TAFA1: variants seen among roughly 807,000 people sequenced by gnomAD.
TAFA1 encodes the protein chemokine-like protein TAFA-1.
In TAFA1, 4 loss-of-function variants were observed where a neutral mutation model predicts 18.5. The observed-to-expected ratio is 0.22, with a 90% confidence interval of 0.11 to 0.49. The LOEUF (loss-of-function observed/expected upper bound fraction) is 0.49. Ranked by LOEUF, TAFA1 falls within the 20% of genes least tolerant of loss-of-function variation. The probability of loss-of-function intolerance (pLI) is 0.98; values close to 1 mark genes in which losing one functional copy is unlikely to be tolerated. For synonymous variants in TAFA1, 56 were observed against 55.2 expected (o/e 1.01, Z -0.06); for missense variants, 147 against 169.0 (o/e 0.87, Z 0.72).
At chr3:68,318,109 C>T (rs1246998352) in intron 2 of TAFA1, among the ~76,000 whole-genome samples, 2 of 152,138 alleles carry the variant, frequency 1.3e-5, no homozygotes, top group Non-Finnish European at 2.9e-5. Context: ...TTTTATAGTA[C>T]ATGTGTTGCC....
chr3:68,272,379 C>A (rs1424964970), intron 2 of TAFA1, among the ~76,000 whole-genome samples: 1 of 152,036 alleles, frequency 6.6e-6, no homozygotes, highest in Non-Finnish European at 1.5e-5. Context: ...AAAGATTTGA[C>A]AAATTTACCT....
At chr3:68,330,038 T>C (rs769679869) in intron 2 of TAFA1, among the ~76,000 whole-genome samples, 2 of 152,178 alleles carry the variant, frequency 1.3e-5, no homozygotes, top group Non-Finnish European at 2.9e-5. Context: ...CAGGGATAGC[T>C]GGGTCCAGGG....
chr3:68,470,900 G>C (rs1025145808), intron 3 of TAFA1, among the ~76,000 whole-genome samples: 1 of 152,180 alleles, frequency 6.6e-6, no homozygotes, highest in Non-Finnish European at 1.5e-5. Context: ...ATGTCTCCAG[G>C]TCATGTCTGA....
intron 3 of TAFA1, among the ~76,000 whole-genome samples, chr3:68,453,334 A>G (rs1438957479): frequency 6.6e-6 from 1 of 152,166 alleles, no homozygotes; most frequent in Non-Finnish European, 1.5e-5. Context: ...TGTTTCCAAA[A>G]TGACAAAAAT....
chr3:68,370,022 C>T (rs2069648222), intron 2 of TAFA1, among the ~76,000 whole-genome samples: 1 of 151,452 alleles, frequency 6.6e-6, no homozygotes, highest in South Asian at 2.1e-4. Flanking sequence ...GGTGTGGTGG[C>T]TCACTCCTGT....
intron 3 of TAFA1, among the ~76,000 whole-genome samples, chr3:68,474,352 A>C (rs1471711527): frequency 6.6e-6 from 1 of 152,338 alleles, no homozygotes; most frequent in Non-Finnish European, 1.5e-5. Context: ...TTGTCCATTC[A>C]TCCATTCGAG....
rs113697354 is a variant in TAFA1 at position 68,313,760 on chromosome 3, T to C, written c.119-103520T>C. 1.4e-4 allele frequency among the ~76,000 whole-genome samples: 22 copies of C among 152,310 alleles called. 1 individual carries two copies. The highest frequency in any genetic ancestry group is 5.1e-4 in the African/African-American group (21 of 41,564). On this transcript the variant is annotated intron_variant, in intron 2 of 4. Transcript: ENST00000478136. ...TGGCCCTAACTGGATGGACTTGTGT[T>C]GTTTGCCTAAATCAATCACTATTAC...
intron 2 of TAFA1, among the ~76,000 whole-genome samples, chr3:68,288,955 T>C (rs942904860): frequency 3.3e-5 from 5 of 152,250 alleles, no homozygotes; most frequent in African/African-American, 1.2e-4. Context: ...CTAGGCCAAG[T>C]TACTTCAGTT....
intron 2 of TAFA1, among the ~76,000 whole-genome samples, chr3:68,176,301 T>C (rs1472846594): frequency 6.6e-6 from 1 of 152,192 alleles, no homozygotes; most frequent in South Asian, 2.1e-4. Context: ...GGGCAACATA[T>C]TGAGACCCTG....
chr3:68,234,348 G>A (rs2066903949), intron 2 of TAFA1, among the ~76,000 whole-genome samples: 1 of 152,148 alleles, frequency 6.6e-6, no homozygotes, highest in Non-Finnish European at 1.5e-5. Context: ...CACAGATTTA[G>A]GTTTCTTTCA....
intron 3 of TAFA1, among the ~76,000 whole-genome samples, chr3:68,481,373 T>C (rs756432798): frequency 3.9e-5 from 6 of 152,196 alleles, no homozygotes; most frequent in Non-Finnish European, 5.9e-5. Context: ...TGAAGAGTAT[T>C]ACCACAAACA....
At chr3:68,331,136 T>C (rs997728852) in intron 2 of TAFA1, among the ~76,000 whole-genome samples, 1 of 152,200 alleles carries the variant, frequency 6.6e-6, no homozygotes, top group Non-Finnish European at 1.5e-5. Flanking sequence ...GTACATGCTA[T>C]AACATGGAAG....
intron 2 of TAFA1, among the ~76,000 whole-genome samples, chr3:68,240,057 T>C (rs1470601953): frequency 6.6e-6 from 1 of 152,164 alleles, no homozygotes; most frequent in Non-Finnish European, 1.5e-5. Context: ...TTACCCAAGT[T>C]TATATATGAG....
At chr3:68,014,282 C>T (rs760232161) in intron 2 of TAFA1, among the ~76,000 whole-genome samples, 3 of 152,194 alleles carry the variant, frequency 2.0e-5, no homozygotes, top group Non-Finnish European at 4.4e-5. Flanking sequence ...TTAGGATCAG[C>T]AGGCCAGCAG....
chr3:68,153,255 T>A (rs891601746), intron 2 of TAFA1, among the ~76,000 whole-genome samples: 10 of 152,320 alleles, frequency 6.6e-5, no homozygotes, highest in African/African-American at 2.4e-4. Flanking sequence ...AATAGCAAAC[T>A]ATTCACATCA....
chr3:68,263,357 T>C (rs901722791), intron 2 of TAFA1, among the ~76,000 whole-genome samples: 2 of 151,892 alleles, frequency 1.3e-5, no homozygotes, highest in African/African-American at 4.8e-5. Context: ...CATTTTTTTG[T>C]GGAACATACA....
intron 2 of TAFA1, among the ~76,000 whole-genome samples, chr3:68,334,187 A>G (rs887748314): frequency 2.0e-5 from 3 of 152,230 alleles, no homozygotes; most frequent in Admixed American, 6.5e-5. Flanking sequence ...TGAACATGCT[A>G]ATCAGCTTGA....
chr3:68,170,744 G>T (rs563721632), intron 2 of TAFA1, among the ~76,000 whole-genome samples: 1 of 151,746 alleles, frequency 6.6e-6, no homozygotes, highest in Non-Finnish European at 1.5e-5. Flanking sequence ...CTCAACAGAG[G>T]CTGGAGGATT....
At chr3:68,204,092 T>C (rs907080950) in intron 2 of TAFA1, among the ~76,000 whole-genome samples, 4 of 151,668 alleles carry the variant, frequency 2.6e-5, no homozygotes, top group African/African-American at 9.7e-5. Flanking sequence ...CCCTGGTATA[T>C]TGTGATTCTC....
Sources: allele counts gnomAD v4.1 joint callset (sites outside exome capture counted in the v4.1 genomes callset), GRCh38; gene constraint gnomAD v4.1.1; transcripts MANE v1.5; gene names NCBI Gene and HGNC (gene_info 2026-07-23, HGNC 2026-07-21).